Variants in PTN observed in about 807,000 individuals in gnomAD.
PTN encodes pleiotrophin.
Under a neutral mutation model 24.1 loss-of-function variants are expected in PTN, and 18 were observed. That is an observed-to-expected ratio of 0.75 (90% CI 0.52 to 1.11). PTN has a LOEUF of 1.11. Ranked by LOEUF, PTN falls within the 50% of genes least tolerant of loss-of-function variation. The pLI is 0.00. For synonymous variants in PTN, 78 were observed against 68.6 expected (o/e 1.14, Z -0.67); for missense variants, 163 against 198.8 (o/e 0.82, Z 1.08).
At chr7:137,277,619 G>T (rs1809382390) in intron 1 of PTN, among the ~76,000 whole-genome samples, 1 of 152,136 alleles carries the variant, frequency 6.6e-6, no homozygotes, top group Admixed American at 6.5e-5. Context: ...ACCCAGGATG[G>T]AGTGCAGTGG....
chr7:137,283,952 ATTTTTTTTTTTTTTTT>A (rs753374720), intron 1 of PTN, among the ~76,000 whole-genome samples: 11 of 48,918 alleles, frequency 2.2e-4, no homozygotes, highest in African/African-American at 7.7e-4. Context: ...TGAGCATCAG[ATTTTTTTTTTTTTTTT>A]TTTTTTTTTT....
chr7:137,271,567 A>T (rs918339700), intron 1 of PTN, among the ~76,000 whole-genome samples: 2 of 152,242 alleles, frequency 1.3e-5, no homozygotes, highest in Admixed American at 6.5e-5. Context: ...TAGTAAAGGT[A>T]TGTTTGTTCA....
chr7:137,239,890 G>A (rs1808597576), intron 4 of PTN, among the ~76,000 whole-genome samples: 1 of 152,120 alleles, frequency 6.6e-6, no homozygotes, highest in African/African-American at 2.4e-5. Flanking sequence ...AGGAGACCGT[G>A]ACTTAATATT....
intron 1 of PTN, among the ~76,000 whole-genome samples, chr7:137,270,583 A>G (rs553929941): frequency 6.6e-6 from 1 of 152,226 alleles, no homozygotes; most frequent in Non-Finnish European, 1.5e-5. Flanking sequence ...CAAATAGTGT[A>G]TCCATTTACT....
At chr7:137,269,847 G>C (rs1347636847) in intron 1 of PTN, among the ~76,000 whole-genome samples, 1 of 151,790 alleles carries the variant, frequency 6.6e-6, no homozygotes, top group African/African-American at 2.4e-5. Flanking sequence ...TGGCCAGGGT[G>C]GTCTCAATCT....
chr7:137,265,829 A>C (rs1232405840), intron 1 of PTN, among the ~76,000 whole-genome samples: 3 of 151,728 alleles, frequency 2.0e-5, no homozygotes, highest in African/African-American at 7.3e-5. Context: ...ATGCTATCTT[A>C]ATTGCCAAAG....
Position 137,254,547 on chromosome 7 carries a change from T to A in PTN, c.115+312A>T, listed in dbSNP as rs531453904. Among the ~76,000 whole-genome samples the A allele has an allele frequency of 2.0e-5, 3 of 152,102 alleles. No individual in the cohort carries two copies. In the South Asian group the frequency reaches 6.2e-4, roughly 32 times the overall value. On this transcript the variant is annotated intron_variant, in intron 2 of 4. Transcript: ENST00000348225. ...AAAAACAAGTTGCAGTGCATTTTTT[T>A]TTTTTTGAGGTAGAGAGGTAAATAA...
At chr7:137,281,474 T>C (rs905286614) in intron 1 of PTN, among the ~76,000 whole-genome samples, 6 of 152,206 alleles carry the variant, frequency 3.9e-5, no homozygotes, top group Non-Finnish European at 8.8e-5. Flanking sequence ...TGTGCAAGGC[T>C]ACTCTCAGGG....
intron 1 of PTN, among the ~76,000 whole-genome samples, chr7:137,271,316 C>T (rs1312840798): frequency 6.6e-6 from 1 of 152,166 alleles, no homozygotes; most frequent in Non-Finnish European, 1.5e-5. Flanking sequence ...GTTCTTTTCC[C>T]ATGTGTTCTG....
chr7:137,264,375 G>A (rs530967297), intron 1 of PTN, among the ~76,000 whole-genome samples: 6 of 152,190 alleles, frequency 3.9e-5, no homozygotes, highest in Admixed American at 1.3e-4. Flanking sequence ...GTCAGTTGAA[G>A]TCCTTACTGT....
intron 1 of PTN, among the ~76,000 whole-genome samples, chr7:137,283,148 A>C (rs1052481767): frequency 5.3e-5 from 8 of 152,204 alleles, no homozygotes; most frequent in Non-Finnish European, 8.8e-5. Context: ...ATGGGTACTA[A>C]GGCACAGCAA....
At chr7:137,309,989 G>A (rs1809952852) in intron 1 of PTN, among the ~76,000 whole-genome samples, 1 of 152,156 alleles carries the variant, frequency 6.6e-6, no homozygotes, top group African/African-American at 2.4e-5. Context: ...AGATCCATCA[G>A]AGGAATCACC....
chr7:137,247,913 AGAT>A (rs1563198872), intron 4 of PTN, among the ~76,000 whole-genome samples: 1 of 152,234 alleles, frequency 6.6e-6, no homozygotes, highest in African/African-American at 2.4e-5. Flanking sequence ...AGAATACAAA[AGAT>A]GACATGAATT....
intron 1 of PTN, among the ~76,000 whole-genome samples, chr7:137,335,612 C>T (rs907416739): frequency 1.3e-5 from 2 of 152,088 alleles, no homozygotes; most frequent in African/African-American, 2.4e-5. Flanking sequence ...AAAGAGAGGT[C>T]GCCAAGCTAG....
intron 1 of PTN, among the ~76,000 whole-genome samples, chr7:137,272,605 A>C (rs544278335): frequency 6.6e-6 from 1 of 152,370 alleles, no homozygotes; most frequent in South Asian, 2.1e-4. Context: ...AAATGACATG[A>C]GCCATCTAGA....
intron 1 of PTN, among the ~76,000 whole-genome samples, chr7:137,301,520 G>A (rs543161839): frequency 2.1e-4 from 32 of 151,694 alleles, no homozygotes; most frequent in South Asian, 8.3e-4. Context: ...AACTCAAAGC[G>A]TCCATAGCTT....
chr7:137,256,253 A>G (rs1808922871), intron 1 of PTN, among the ~76,000 whole-genome samples: 1 of 152,146 alleles, frequency 6.6e-6, no homozygotes, highest in Non-Finnish European at 1.5e-5. Flanking sequence ...TTTGTTACAC[A>G]GGTATACATG....
chr7:137,325,031 C>T (rs1810235789), intron 1 of PTN, among the ~76,000 whole-genome samples: 1 of 152,076 alleles, frequency 6.6e-6, no homozygotes, highest in South Asian at 2.1e-4. Context: ...CAGTAGCTTC[C>T]TGATTTGTCA....
intron 4 of PTN, among the ~76,000 whole-genome samples, chr7:137,239,406 AT>A (rs1266813403): frequency 6.2e-5 from 8 of 129,488 alleles, no homozygotes; most frequent in African/African-American, 2.4e-4. Flanking sequence ...TTATTTATTT[AT>A]TTATTATTAT....
Sources: gnomAD v4.1 joint callset for allele counts (sites outside exome capture counted in the v4.1 genomes callset) on GRCh38, gnomAD v4.1.1 for gene constraint, MANE v1.5 for transcripts, NCBI Gene and HGNC (gene_info 2026-07-23, HGNC 2026-07-21) for gene names.